Variants in XNDC1N observed in about 807,000 individuals in gnomAD.
The protein encoded by XNDC1N is protein XNDC1N.
chr11:71,908,913 C>A, the XNDC1N span, among the ~76,000 whole-genome samples: 15 of 152,134 alleles, frequency 9.9e-5, no homozygotes, highest in Admixed American at 8.5e-4. Flanking sequence ...AGGGGATATG[C>A]AAAGGCTAAA....
chr11:71,895,475 A>ATTTT, the XNDC1N span, among the ~76,000 whole-genome samples: 1,930 of 98,050 alleles, frequency 0.02, no homozygotes, highest in Non-Finnish European at 0.03. Context: ...ATGCCTGGCT[A>ATTTT]TTTTTTTTTT....
chr11:71,906,235 A>G, the XNDC1N span, among the ~76,000 whole-genome samples: 2 of 151,854 alleles, frequency 1.3e-5, no homozygotes, highest in African/African-American at 4.8e-5. Context: ...ATTACGAATA[A>G]TGTCACAGGG....
chr11:71,882,748 C>A, the XNDC1N span, among the ~76,000 whole-genome samples: 1 of 152,196 alleles, frequency 6.6e-6, no homozygotes, highest in East Asian at 1.9e-4. Flanking sequence ...CTAGCAAGAA[C>A]AATTAGGCAA....
At chr11:71,918,033 C>T in the XNDC1N span, among the ~76,000 whole-genome samples, 1 of 152,322 alleles carries the variant, frequency 6.6e-6, no homozygotes, top group East Asian at 1.9e-4. Context: ...GCTTCTCTGT[C>T]CTCTGGCCCC....
the XNDC1N span, chr11:71,903,783 T>A: frequency 2.8e-6 from 1 of 358,118 alleles, no homozygotes; most frequent in Admixed American, 3.8e-5. Context: ...ACCAGGAACA[T>A]CAACATGTAT....
At chr11:71,912,415 C>G in the XNDC1N span, among the ~76,000 whole-genome samples, 24 of 152,252 alleles carry the variant, frequency 1.6e-4, no homozygotes, top group African/African-American at 5.5e-4. Context: ...ATGATCCTCT[C>G]CCCACCTGGA....
the XNDC1N span, among the ~76,000 whole-genome samples, chr11:71,889,333 G>A: frequency 2.0e-5 from 3 of 152,366 alleles, no homozygotes; most frequent in South Asian, 2.1e-4. Flanking sequence ...CATTGCAGGG[G>A]ACACCAGCGA....
chr11:71,895,945 G>T, the XNDC1N span, among the ~76,000 whole-genome samples: 3 of 152,156 alleles, frequency 2.0e-5, no homozygotes, highest in African/African-American at 4.8e-5. Context: ...GGCACAGAAT[G>T]ACAAATATTT....
At chr11:71,919,936 T>C in the XNDC1N span, among the ~76,000 whole-genome samples, 14 of 64,278 alleles carry the variant, frequency 2.2e-4, no homozygotes, top group Non-Finnish European at 3.1e-4. Flanking sequence ...CCTCTTTTTT[T>C]TTTTTTTTTT....
the XNDC1N span, among the ~76,000 whole-genome samples, chr11:71,887,430 G>A: frequency 2.6e-5 from 4 of 152,232 alleles, no homozygotes; most frequent in South Asian, 2.1e-4. Context: ...TACCAGGAAC[G>A]GGAGTCATTA....
chr11:71,918,910 T>A, the XNDC1N span: 4 of 702,820 alleles, frequency 5.7e-6, no homozygotes, highest in South Asian at 5.9e-5. Context: ...CAGTGGGCAC[T>A]GCCCTCTCCA....
the XNDC1N span, among the ~76,000 whole-genome samples, chr11:71,902,516 C>A: frequency 6.6e-6 from 1 of 152,166 alleles, no homozygotes; most frequent in East Asian, 1.9e-4. Flanking sequence ...AACTCTAAGT[C>A]CACCTAAGCT....
the XNDC1N span, among the ~76,000 whole-genome samples, chr11:71,919,644 G>T: frequency 7.9e-6 from 1 of 126,620 alleles, no homozygotes; most frequent in East Asian, 2.5e-4. Flanking sequence ...TTGAGACAGA[G>T]TCTCACTCCG....
chr11:71,902,088 A>T, the XNDC1N span, among the ~76,000 whole-genome samples: 3 of 152,124 alleles, frequency 2.0e-5, no homozygotes, highest in African/African-American at 7.3e-5. Flanking sequence ...TGCTTGGCAC[A>T]TAGGAGACAG....
the XNDC1N span, among the ~76,000 whole-genome samples, chr11:71,894,827 G>T: frequency 1.3e-5 from 2 of 152,324 alleles, no homozygotes; most frequent in East Asian, 1.9e-4. Flanking sequence ...AAAAATAAGT[G>T]GTTTCACTAT....
the XNDC1N span, among the ~76,000 whole-genome samples, chr11:71,927,410 A>G: frequency 2.0e-5 from 3 of 152,020 alleles, no homozygotes; most frequent in African/African-American, 7.2e-5. Flanking sequence ...AGTCCCAGCT[A>G]TTTGGGAGGC....
the XNDC1N span, among the ~76,000 whole-genome samples, chr11:71,924,632 C>T: frequency 6.6e-6 from 1 of 151,786 alleles, no homozygotes; most frequent in East Asian, 1.9e-4. Context: ...GAGCAGAGAT[C>T]GTGCCACTGC....
the XNDC1N span, among the ~76,000 whole-genome samples, chr11:71,910,046 G>A: frequency 1.5e-4 from 23 of 151,804 alleles, no homozygotes; most frequent in East Asian, 5.8e-4. Context: ...GGGCCCAGCC[G>A]GTGAGGCAAA....
chr11:71,882,593 C>T, the XNDC1N span, among the ~76,000 whole-genome samples: 1 of 152,176 alleles, frequency 6.6e-6, no homozygotes, highest in African/African-American at 2.4e-5. Flanking sequence ...GAGTTTGTCA[C>T]CAGTAGTCCT....
Sources: gnomAD v4.1 joint callset for allele counts (sites outside exome capture counted in the v4.1 genomes callset) on GRCh38, gnomAD v4.1.1 for gene constraint, MANE v1.5 for transcripts, NCBI Gene and HGNC (gene_info 2026-07-23, HGNC 2026-07-21) for gene names.